TBC1D31: variants seen among roughly 807,000 people sequenced by gnomAD.
TBC1D31 encodes the protein WD repeat domain 67.
In TBC1D31, 99 loss-of-function variants were observed where a neutral mutation model predicts 132.9. The ratio of observed to expected loss-of-function variants is 0.74; its 90% CI spans 0.63 to 0.88. The LOEUF (loss-of-function observed/expected upper bound fraction) is 0.88, where lower values mean the gene tolerates loss of function less well. Ranked by LOEUF, TBC1D31 falls within the 40% of genes least tolerant of loss-of-function variation. TBC1D31 has a pLI of 0.00. For missense variants in TBC1D31, 1,134 were observed against 1,256.6 expected (o/e 0.90, Z 1.48); for synonymous variants, 385 against 419.4 (o/e 0.92, Z 1.00).
chr8:123,095,665 G>T (rs562361837), intron 5 of TBC1D31, among the ~76,000 whole-genome samples: 1 of 152,026 alleles, frequency 6.6e-6, no homozygotes, highest in Non-Finnish European at 1.5e-5. Context: ...GCTGACTTTG[G>T]CATCCTTTTA....
the TBC1D31 span, among the ~76,000 whole-genome samples, chr8:123,157,348 G>A: frequency 6.6e-6 from 1 of 152,200 alleles, no homozygotes; most frequent in East Asian, 1.9e-4. Flanking sequence ...CTATACAGCT[G>A]GTCTGCTGCG....
intron 6 of TBC1D31, 55 bp from the exon 7 acceptor site, chr8:123,100,752 C>A: frequency 1.4e-6 from 2 of 1,404,294 alleles, no homozygotes; most frequent in Non-Finnish European, 2.0e-6. Context: ...TATAGTAGGA[C>A]TTTCAGACAT....
chr8:123,087,382 C>T (rs1461178852), intron 4 of TBC1D31, among the ~76,000 whole-genome samples: 2 of 152,172 alleles, frequency 1.3e-5, no homozygotes, highest in Non-Finnish European at 2.9e-5. Context: ...ACATGAACAG[C>T]TAGCAATGCA....
At position 123,093,735 on chromosome 8, in the gene TBC1D31, G is replaced by A; in HGVS notation, c.664G>A (p.Val222Ile). 1.9e-6 allele frequency: 3 copies of A among 1,575,886 alleles called. No individual in the cohort carries two copies. Among genetic ancestry groups the A allele is most frequent in the Non-Finnish European group, 2.6e-6 (3 of 1,156,726 alleles). ...SSSILYKVFAVTRDGRILAAG... is the reference protein window; with the variant it reads ...SSSILYKVFAITRDGRILAAG... ...TAGTATATTATACAAAGTGTTTGCT[G>A]TAACCAGGTAATGTGCATTTTAAGA... Residue 222 changes from valine to isoleucine, a missense_variant, in exon 5 of 22, where the codon GTA becomes ATA. Physicochemically the swap from Val to Ile is conservative, Grantham distance 29. Coordinates refer to ENST00000287380, the MANE Select transcript of TBC1D31 (RefSeq NM_145647.4).
At chr8:123,086,053 C>T (rs923044718) in intron 4 of TBC1D31, among the ~76,000 whole-genome samples, 3 of 152,210 alleles carry the variant, frequency 2.0e-5, no homozygotes, top group South Asian at 2.1e-4. Context: ...TTCATGTCAA[C>T]GGCTTGGCCG....
At chr8:123,117,482 T>C (rs925801547) in intron 10 of TBC1D31, among the ~76,000 whole-genome samples, 1 of 151,576 alleles carries the variant, frequency 6.6e-6, no homozygotes. Context: ...ACACCAGGCG[T>C]GGTGGCTCAC....
chr8:123,107,977 A>G (rs1674619316), intron 8 of TBC1D31, among the ~76,000 whole-genome samples: 2 of 152,226 alleles, frequency 1.3e-5, no homozygotes, highest in Admixed American at 6.5e-5. Context: ...GGCAGCAGGT[A>G]TCTTGATGAT....
chr8:123,159,268 G>GAAAAAA, the TBC1D31 span, among the ~76,000 whole-genome samples: 6 of 93,886 alleles, frequency 6.4e-5, no homozygotes, highest in East Asian at 3.2e-4. Flanking sequence ...ATTTGAACAG[G>GAAAAAA]AAAAAAAAAA....
rs1746477395 is a variant in TBC1D31, at chr8:123,152,038, C to G, written c.*99C>G. On this transcript the variant is annotated 3_prime_UTR_variant, in exon 22 of 22. Transcript: ENST00000287380. ...ATTTAAAATTCCTATAAAGATCAGCCCTTTGTACAGAAAAATGTGTCTATA... is the reference window on the plus strand; with the variant it reads ...ATTTAAAATTCCTATAAAGATCAGCGCTTTGTACAGAAAAATGTGTCTATA... 2 of 1,167,034 alleles carry G rather than the reference C, an allele frequency of 1.7e-6. No individual in the cohort carries two copies. The highest frequency in any genetic ancestry group is 3.2e-5 in the South Asian group (1 of 31,590). The allele number at this position is 1,167,034 out of a possible 1,614,324, so 72.3% of individuals were successfully genotyped here. A position where few individuals can be genotyped will look rare whatever the true frequency, so the allele number is the denominator to read the frequency against.
chr8:123,144,600 C>A, intron 19 of TBC1D31, 117 bp from the exon 20 acceptor site: 2 of 1,005,400 alleles, frequency 2.0e-6, no homozygotes, highest in Non-Finnish European at 2.8e-6. Context: ...ACAGATCCTA[C>A]TTGCCATGGG....
the TBC1D31 span, among the ~76,000 whole-genome samples, chr8:123,157,280 G>A: frequency 6.6e-6 from 1 of 152,202 alleles, no homozygotes; most frequent in African/African-American, 2.4e-5. Context: ...AGACTGACGC[G>A]CTACCTACTG....
At chr8:123,147,800 T>TA (rs1822369420) in intron 20 of TBC1D31, among the ~76,000 whole-genome samples, 1 of 152,184 alleles carries the variant, frequency 6.6e-6, no homozygotes, top group Non-Finnish European at 1.5e-5. Context: ...CATTTAATCC[T>TA]AAAAGCAGGA....
intron 17 of TBC1D31, among the ~76,000 whole-genome samples, chr8:123,139,577 A>G (rs7828295): frequency 0.28 from 43,005 of 151,968 alleles, 6,216 homozygotes; most frequent in Admixed American, 0.35. Context: ...TCAGCTAGGC[A>G]GTTTATACTT....
intron 5 of TBC1D31, 130 bp from the exon 6 acceptor site, chr8:123,097,152 C>A: frequency 2.4e-6 from 2 of 820,808 alleles, no homozygotes; most frequent in Non-Finnish European, 3.7e-6. Context: ...TCAATAATCA[C>A]ATGGGACTAG....
At chr8:123,117,669 C>T (rs1002260268) in intron 10 of TBC1D31, among the ~76,000 whole-genome samples, 3 of 143,888 alleles carry the variant, frequency 2.1e-5, no homozygotes, top group Non-Finnish European at 3.0e-5. Flanking sequence ...AGGAGAATGG[C>T]GTGAACCCGG....
intron 16 of TBC1D31, among the ~76,000 whole-genome samples, chr8:123,132,391 T>A (rs1366751452): frequency 6.6e-6 from 1 of 150,810 alleles, no homozygotes; most frequent in Non-Finnish European, 1.5e-5. Context: ...AAATACTAAG[T>A]ATTTTTTAAG....
intron 8 of TBC1D31, 79 bp from the exon 9 acceptor site, chr8:123,109,238 A>G: frequency 2.0e-6 from 2 of 1,001,468 alleles, no homozygotes; most frequent in Non-Finnish European, 3.0e-6. Flanking sequence ...TTGGGAAGTC[A>G]CTGTGGACTA....
chr8:123,162,699 T>C, the TBC1D31 span, among the ~76,000 whole-genome samples: 1 of 152,222 alleles, frequency 6.6e-6, no homozygotes, highest in South Asian at 2.1e-4. Context: ...TTATTTTCAA[T>C]TGCACGAATA....
chr8:123,074,729 A>G (rs1193206301), intron 1 of TBC1D31, among the ~76,000 whole-genome samples: 1 of 152,230 alleles, frequency 6.6e-6, no homozygotes, highest in Admixed American at 6.5e-5. Flanking sequence ...TTAGACGGGC[A>G]GAGAGCACTG....
Sources: allele counts gnomAD v4.1 joint callset (sites outside exome capture counted in the v4.1 genomes callset), GRCh38; gene constraint gnomAD v4.1.1; transcripts MANE v1.5; gene names NCBI Gene and HGNC (gene_info 2026-07-23, HGNC 2026-07-21).